APAF1: variants seen among roughly 807,000 people sequenced by gnomAD.
APAF1 encodes the protein apoptotic protease-activating factor 1.
Under a neutral mutation model 152.4 loss-of-function variants are expected in APAF1, and 91 were observed. The ratio of observed to expected loss-of-function variants is 0.60; its 90% CI spans 0.50 to 0.71. APAF1 has a LOEUF of 0.71. APAF1 is among the 30% of genes least tolerant of loss of function. The pLI is 0.00. For missense variants in APAF1, 1,283 were observed against 1,472.0 expected, an observed-to-expected ratio of 0.87 and a Z score of 2.10; for synonymous variants, 484 against 494.1, an observed-to-expected ratio of 0.98 and a Z score of 0.27.
At chr12:98,680,204 A>G in intron 13 of APAF1, 73 bp from the exon 14 acceptor site, 2 of 1,465,166 alleles carry the variant, frequency 1.4e-6, no homozygotes, top group East Asian at 2.5e-5. Flanking sequence ...AAACTCACTT[A>G]AAGATTTTTA....
chr12:98,718,754 G>A (rs1434772958), intron 22 of APAF1, among the ~76,000 whole-genome samples: 2 of 152,008 alleles, frequency 1.3e-5, no homozygotes, highest in Non-Finnish European at 2.9e-5. Flanking sequence ...GGGCAACATA[G>A]CGAGACCCCA....
At chr12:98,663,995 TTTTG>T (rs1465475353) in intron 7 of APAF1, among the ~76,000 whole-genome samples, 7 of 149,410 alleles carry the variant, frequency 4.7e-5, no homozygotes, top group Non-Finnish European at 8.9e-5. Context: ...AGACACACAG[TTTTG>T]TTTGTTTATT....
At position 98,645,801 on chromosome 12, in the gene APAF1, G is replaced by A. The variant is rs1467830904; in HGVS notation, c.-76G>A. 1.3e-5 allele frequency: 2 copies of A among 152,258 alleles called. No homozygotes were observed. Among genetic ancestry groups the A allele is most frequent in the Non-Finnish European group, 2.9e-5 (2 of 68,088 alleles). The allele number at this position is 152,258 out of a possible 1,614,324, so 9.4% of individuals were successfully genotyped here. A position where few individuals can be genotyped will look rare whatever the true frequency, so the allele number is the denominator to read the frequency against. ...CTCCCAGTCTTGTCCCGGCAGTGCC[G>A]CCCTCCCCACTAAGACCTAGGCGCA... is the stretch of plus-strand genomic sequence containing the variant. On this transcript the variant is annotated 5_prime_UTR_variant, in exon 1 of 27. Transcript: ENST00000551964.
intron 22 of APAF1, among the ~76,000 whole-genome samples, chr12:98,721,328 C>T (rs916046223): frequency 6.6e-6 from 1 of 152,146 alleles, no homozygotes; most frequent in Non-Finnish European, 1.5e-5. Flanking sequence ...ATGCAGAGGG[C>T]AGAAGTAAGA....
Position 98,648,748 on chromosome 12 carries a change from C to G in APAF1, c.261C>G (p.Leu87=). ...HEGYKDLAAL[L]HDGIPVVSSS... is the part of the protein sequence containing the mutation. The stretch of plus-strand genomic sequence containing the variant: ...GATATAAAGATCTTGCTGCCCTTCT[C>G]CATGATGGCATTCCTGTTGTCTCTT... The change falls in exon 3 of 27, where the codon CTC becomes CTG. Residue 87 remains leucine (L), a synonymous_variant. Transcript: ENST00000551964. 1 of 1,613,992 alleles carries G rather than the reference C, an allele frequency of 6.2e-7. No individual in the cohort carries two copies. Among genetic ancestry groups the G allele is most frequent in the South Asian group, 1.1e-5 (1 of 91,078 alleles).
intron 16 of APAF1, among the ~76,000 whole-genome samples, chr12:98,691,060 A>T (rs2097703615): frequency 6.6e-6 from 1 of 152,144 alleles, no homozygotes; most frequent in Non-Finnish European, 1.5e-5. Context: ...TACAAAAATT[A>T]GCTGGGCGTG....
chr12:98,647,000 T>G (rs2097641680), intron 1 of APAF1, among the ~76,000 whole-genome samples: 2 of 147,578 alleles, frequency 1.4e-5, no homozygotes, highest in South Asian at 4.4e-4. Context: ...ACTCTTATGT[T>G]TGATAAGGAA....
chr12:98,682,900 A>G (rs572529229), intron 14 of APAF1, among the ~76,000 whole-genome samples: 21 of 152,348 alleles, frequency 1.4e-4, no homozygotes, highest in African/African-American at 4.8e-4. Flanking sequence ...TCATGTGTTC[A>G]TGACACTCTA....
chr12:98,646,740 A>G (rs1295095615), intron 1 of APAF1, among the ~76,000 whole-genome samples: 2 of 152,118 alleles, frequency 1.3e-5, no homozygotes, highest in African/African-American at 4.8e-5. Flanking sequence ...TGTTTTGAAA[A>G]CTTGCAGATA....
rs545467749 is a variant in APAF1 at position 98,723,913 on chromosome 12, A to C, written c.3330+149A>C. The C allele has an allele frequency of 1.9e-4, 158 of 828,220 alleles. 1 individual carries two copies. The highest frequency in any genetic ancestry group is 1.5e-3 in the South Asian group (106 of 69,086). 51.3% of individuals were successfully genotyped at this position (828,220 alleles called of 1,614,324 possible). ...TTTTGGAGGATGCCCATTGGCATTT[A>C]GTTGGTATCAAATGAATGAAATGAA... On this transcript the variant is annotated intron_variant, in intron 24 of 26. Coordinates refer to ENST00000551964, the MANE Select transcript of APAF1 (RefSeq NM_181861.2).
intron 8 of APAF1, 73 bp from the exon 9 acceptor site, chr12:98,666,117 G>A (rs1462897308): frequency 6.5e-6 from 9 of 1,394,746 alleles, no homozygotes; most frequent in African/African-American, 1.4e-5. Context: ...TTTTTTGTGT[G>A]TGTGATAATA....
In APAF1 at chr12:98,667,593, G is replaced by T; in HGVS notation, c.1443G>T (p.Met481Ile). The change falls in exon 10 of 27, where the codon ATG (methionine) becomes ATT (isoleucine). Residue 481 changes from methionine to isoleucine, a missense_variant. Transcript: ENST00000551964. ...TTTCACCAGATCAGGAAGACTGTAT[G>T]TATTGGTACAACTTTCTGGCCTATC... ...HTLSPDQEDC[M>I]YWYNFLAYHM... 1 of 1,614,028 alleles carries T rather than the reference G, an allele frequency of 6.2e-7. No individual in the cohort carries two copies. Among genetic ancestry groups the T allele is most frequent in the Non-Finnish European group, 8.5e-7 (1 of 1,179,958 alleles).
In APAF1 at chr12:98,710,503, G is replaced by A. The variant is rs73378450; in HGVS notation, c.2841+1799G>A. The stretch of plus-strand genomic sequence containing the variant: ...GAATAGAGAAGACGAGAGTAATAGA[G>A]CACATGTGTGGAAGGTCTGAGAGGA... On this transcript the variant is annotated intron_variant, in intron 20 of 26. Transcript: ENST00000551964. Among the ~76,000 whole-genome samples, 887 of 152,314 alleles carry A rather than the reference G, an allele frequency of 5.8e-3. 11 individuals are homozygous for A. The highest frequency in any genetic ancestry group is 0.021 in the African/African-American group (853 of 41,568).
intron 16 of APAF1, among the ~76,000 whole-genome samples, chr12:98,692,984 C>T (rs1212947834): frequency 6.6e-6 from 1 of 151,822 alleles, no homozygotes; most frequent in Non-Finnish European, 1.5e-5. Flanking sequence ...ACAAAGTCAC[C>T]GAACAAATTT....
chr12:98,682,289 G>A (rs978309753), intron 14 of APAF1, among the ~76,000 whole-genome samples: 2 of 151,548 alleles, frequency 1.3e-5, no homozygotes, highest in African/African-American at 4.9e-5. Context: ...TCCTGACCTC[G>A]TGATCTGCCC....
At chr12:98,726,052 T>C (rs533067795) in intron 25 of APAF1, among the ~76,000 whole-genome samples, 55 of 152,264 alleles carry the variant, frequency 3.6e-4, no homozygotes, top group African/African-American at 7.0e-4. Flanking sequence ...ATTTCCGTCA[T>C]TGTGGGGCAG....
intron 24 of APAF1, among the ~76,000 whole-genome samples, chr12:98,724,554 C>G (rs1242145365): frequency 6.6e-6 from 1 of 152,212 alleles, no homozygotes; most frequent in Non-Finnish European, 1.5e-5. Context: ...GATAAACCTT[C>G]TACTCTTTTA....
intron 26 of APAF1, among the ~76,000 whole-genome samples, chr12:98,731,279 A>G (rs2097760920): frequency 6.6e-6 from 1 of 152,268 alleles, no homozygotes; most frequent in Non-Finnish European, 1.5e-5. Context: ...CCCACCAGAG[A>G]TGTGCATTTG....
In APAF1 at chr12:98,671,687, G is replaced by A. The variant is rs756868583; in HGVS notation, c.1761G>A (p.Glu587=). ...YQQAKLQAKQ[E]VDNGMLYLEW... ...AAGCTAAGCTGCAGGCCAAGCAGGA[G>A]GTCGATAATGGAATGCTTTACCTGG... The change falls in exon 12 of 27, where the codon GAG becomes GAA. Residue 587 remains glutamate, a synonymous_variant. Transcript: ENST00000551964. 12 of 1,614,040 alleles carry A rather than the reference G, an allele frequency of 7.4e-6. No individual in the cohort carries two copies. Among genetic ancestry groups the A allele is most frequent in the Non-Finnish European group, 9.3e-6 (11 of 1,180,018 alleles).
Sources: gnomAD v4.1 joint callset for allele counts (sites outside exome capture counted in the v4.1 genomes callset) on GRCh38, gnomAD v4.1.1 for gene constraint, MANE v1.5 for transcripts, NCBI Gene and HGNC (gene_info 2026-07-23, HGNC 2026-07-21) for gene names.